Variants in WDR48 observed in about 807,000 individuals in gnomAD.
WDR48 encodes the protein WD repeat-containing protein 48.
A neutral mutation model predicts 94.0 loss-of-function variants in WDR48; 22 were observed. The observed-to-expected ratio is 0.23, with a 90% CI of 0.17 to 0.33. The LOEUF (loss-of-function observed/expected upper bound fraction) is 0.33. WDR48 is among the 10% of genes least tolerant of loss of function. WDR48 has a pLI of 1.00. For synonymous variants in WDR48, 278 were observed against 280.5 expected (o/e 0.99, Z 0.09); for missense variants, 541 against 813.8 (o/e 0.66, Z 4.08).
At chr3:39,066,474 C>T in intron 3 of WDR48, 74 bp from the exon 4 acceptor site, 1 of 1,232,172 alleles carries the variant, frequency 8.1e-7, no homozygotes, top group Non-Finnish European at 1.2e-6. Flanking sequence ...AATAATGTTA[C>T]ATTGTTGTAA....
chr3:39,094,183 T>C (rs2035223958), intron 18 of WDR48, 117 bp downstream of exon 18: 1 of 1,473,376 alleles, frequency 6.8e-7, no homozygotes, highest in South Asian at 1.5e-5. Context: ...GCCCTGGGCC[T>C]CTCCTACCTA....
At chr3:39,083,683 A>C (rs1417726419) in intron 11 of WDR48, among the ~76,000 whole-genome samples, 1 of 152,164 alleles carries the variant, frequency 6.6e-6, no homozygotes, top group Non-Finnish European at 1.5e-5. Context: ...TAAATGAGGG[A>C]GAGTGGCAGG....
intron 10 of WDR48, among the ~76,000 whole-genome samples, chr3:39,079,275 G>T (rs560743836): frequency 6.6e-6 from 1 of 152,172 alleles, no homozygotes; most frequent in Admixed American, 6.5e-5. Context: ...TTAGAATTTT[G>T]TATGGCACAT....
chr3:39,059,539 A>G (rs771915041), intron 1 of WDR48, among the ~76,000 whole-genome samples: 5 of 152,222 alleles, frequency 3.3e-5, no homozygotes, highest in Non-Finnish European at 7.3e-5. Context: ...ATAAATGATG[A>G]CTGTATTTCC....
chr3:39,075,789 GT>G (rs2125662728), intron 8 of WDR48, among the ~76,000 whole-genome samples: 1 of 152,014 alleles, frequency 6.6e-6, no homozygotes, highest in African/African-American at 2.4e-5. Flanking sequence ...CACCTCCCAG[GT>G]TAATGCCATT....
chr3:39,077,020 G>C, intron 8 of WDR48, 119 bp from the exon 9 acceptor site: 1 of 1,073,456 alleles, frequency 9.3e-7, no homozygotes, highest in Non-Finnish European at 1.4e-6. Flanking sequence ...TTTCACACAT[G>C]CCCAGGTATA....
rs1441323118 is a variant in WDR48 at position 39,065,569 on chromosome 3, A to AT, written c.190-242_190-241insT. ...ACTTTAACAAGGCAAAAAAAAAAAA[A>AT]ATGAAGTATTTGTCCTGGAAACCTA... On this transcript the variant is annotated intron_variant, in intron 2 of 18. Transcript: ENST00000302313. Among the ~76,000 whole-genome samples, 7 of 152,104 alleles carry AT rather than the reference A, an allele frequency of 4.6e-5. No individual in the cohort carries two copies. In the East Asian group the frequency reaches 1.3e-3, roughly 29 times the overall value.
intron 10 of WDR48, among the ~76,000 whole-genome samples, 182 bp from the exon 11 acceptor site, chr3:39,079,529 T>C: frequency 6.6e-6 from 1 of 152,232 alleles, no homozygotes; most frequent in Non-Finnish European, 1.5e-5. Flanking sequence ...TAAATGGACA[T>C]AAATAATTTA....
In WDR48 at chr3:39,094,412, C is replaced by G. The variant is rs914383808; in HGVS notation, c.1939-236C>G. The stretch of plus-strand genomic sequence containing the variant: ...AAATCAAGATGCACTCAAAACGTAT[C>G]CTCAGAGGAATGGCTGAAAGATGGC... On this transcript the variant is annotated intron_variant, in intron 18 of 18. Coordinates refer to ENST00000302313, the MANE Select transcript of WDR48 (RefSeq NM_020839.4). 2.6e-6 allele frequency: 4 copies of G among 1,519,078 alleles called. No homozygotes were observed. The African/African-American group carries it at 4.1e-5, about 16-fold the overall frequency. The allele number at this position is 1,519,078 out of a possible 1,614,324, so 94.1% of individuals were successfully genotyped here. A position where few individuals can be genotyped will look rare whatever the true frequency, so the allele number is the denominator to read the frequency against.
intron 2 of WDR48, 108 bp from the exon 3 acceptor site, chr3:39,065,703 A>G (rs1266432599): frequency 2.9e-6 from 2 of 682,126 alleles, no homozygotes; most frequent in African/African-American, 1.9e-5. Flanking sequence ...GTTAGTTTTA[A>G]TGCCTAGAGC....
At chr3:39,079,957 G>C in intron 11 of WDR48, 149 bp downstream of exon 11, 1 of 459,766 alleles carries the variant, frequency 2.2e-6, no homozygotes, top group Non-Finnish European at 3.8e-6. Context: ...ATGAATATTA[G>C]ATAAGATCAT....
chr3:39,084,881 C>CCA (rs1363025121), intron 13 of WDR48, 140 bp downstream of exon 13: 10 of 613,434 alleles, frequency 1.6e-5, no homozygotes, highest in Middle Eastern at 5.4e-4. Flanking sequence ...TGTACAAATA[C>CCA]CTAATGTATA....
intron 1 of WDR48, 148 bp from the exon 2 acceptor site, chr3:39,062,902 A>T: frequency 1.1e-6 from 1 of 940,516 alleles, no homozygotes; most frequent in Non-Finnish European, 1.5e-6. Context: ...TTTAGTCTTT[A>T]AGGAGTAAAA....
intron 7 of WDR48, among the ~76,000 whole-genome samples, chr3:39,071,762 G>A (rs1474297468): frequency 6.6e-6 from 1 of 152,070 alleles, no homozygotes; most frequent in Non-Finnish European, 1.5e-5. Flanking sequence ...TGGACTAAAT[G>A]TAAAATTACC....
At chr3:39,080,297 A>G (rs2034454290) in intron 11 of WDR48, among the ~76,000 whole-genome samples, 1 of 152,220 alleles carries the variant, frequency 6.6e-6, no homozygotes, top group Non-Finnish European at 1.5e-5. Context: ...TAGATGAGAC[A>G]CACTGGAGTG....
chr3:39,089,141 C>A, intron 15 of WDR48, 90 bp from the exon 16 acceptor site: 1 of 1,192,272 alleles, frequency 8.4e-7, no homozygotes, highest in Non-Finnish European at 1.2e-6. Flanking sequence ...TACATGAAAA[C>A]CATGAGGGTT....
At chr3:39,057,453 T>A (rs563376351) in intron 1 of WDR48, among the ~76,000 whole-genome samples, 13 of 152,324 alleles carry the variant, frequency 8.5e-5, no homozygotes, top group African/African-American at 2.4e-4. Context: ...CATTACTATT[T>A]GATTTTCTAA....
intron 11 of WDR48, among the ~76,000 whole-genome samples, chr3:39,083,580 G>A (rs910628385): frequency 1.3e-5 from 2 of 152,132 alleles, no homozygotes; most frequent in Non-Finnish European, 2.9e-5. Flanking sequence ...GTCATGTGCT[G>A]AGGATAATGG....
intron 8 of WDR48, among the ~76,000 whole-genome samples, chr3:39,076,607 C>T (rs1194581765): frequency 1.3e-5 from 2 of 152,102 alleles, no homozygotes; most frequent in African/African-American, 4.8e-5. Flanking sequence ...AGAGTGATTC[C>T]GCTTGTGTAA....
Sources: allele counts gnomAD v4.1 joint callset (sites outside exome capture counted in the v4.1 genomes callset), GRCh38; gene constraint gnomAD v4.1.1; transcripts MANE v1.5; gene names NCBI Gene and HGNC (gene_info 2026-07-23, HGNC 2026-07-21).